The following GRB2 variants were observed in gnomAD, a reference collection of about 807,000 sequenced individuals.
GRB2 encodes growth factor receptor-bound protein 2.
In GRB2, 2 loss-of-function variants were observed where a neutral mutation model predicts 27.4. That is an observed-to-expected ratio of 0.07 (90% CI 0.03 to 0.23). The LOEUF (loss-of-function observed/expected upper bound fraction) is 0.23, where lower values mean the gene tolerates loss of function less well. GRB2 is among the 10% of genes least tolerant of loss of function. The pLI is 1.00. For synonymous variants in GRB2, 94 were observed against 99.6 expected (o/e 0.94, Z 0.33); for missense variants, 102 against 282.4 (o/e 0.36, Z 4.58).
chr17:75,331,155 T>C (rs1336072765), intron 3 of GRB2, among the ~76,000 whole-genome samples: 1 of 152,192 alleles, frequency 6.6e-6, no homozygotes, highest in Non-Finnish European at 1.5e-5. Flanking sequence ...GCCAAACACC[T>C]ACATAGGCAC....
intron 4 of GRB2, among the ~76,000 whole-genome samples, chr17:75,322,580 AT>A (rs1225564856): frequency 6.6e-6 from 1 of 152,128 alleles, no homozygotes; most frequent in Non-Finnish European, 1.5e-5. Flanking sequence ...CCATTCAGGA[AT>A]TTTAGCTCCA....
chr17:75,327,376 G>A (rs1363692269), intron 3 of GRB2, among the ~76,000 whole-genome samples: 18 of 146,734 alleles, frequency 1.2e-4, no homozygotes, highest in Admixed American at 1.2e-3. Context: ...ACTACGCCCG[G>A]CCCTTTTTTT....
chr17:75,369,091 T>C (rs1051479929), intron 2 of GRB2, among the ~76,000 whole-genome samples: 4 of 152,218 alleles, frequency 2.6e-5, no homozygotes, highest in African/African-American at 4.8e-5. Flanking sequence ...CAGCCAAAGT[T>C]TGAACCCAGA....
In GRB2 at chr17:75,366,035, A is replaced by C. The variant is rs183410875; in HGVS notation, c.78+27516T>G. On this transcript the variant is annotated intron_variant, in intron 2 of 5. Coordinates refer to ENST00000316804, the MANE Select transcript of GRB2 (RefSeq NM_002086.5). ...ACATAACAAGGATGTTTACCTAAGC[A>C]TTATTTTAATAGCGGGAGGCAGAAA... Among the ~76,000 whole-genome samples, 6 of 152,278 alleles carry C rather than the reference A, an allele frequency of 3.9e-5. No homozygotes were observed. The East Asian group carries it at 1.2e-3, about 29-fold the overall frequency.
intron 1 of GRB2, 61 bp downstream of exon 1, chr17:75,405,428 C>T (rs1178560228): frequency 2.0e-5 from 3 of 152,352 alleles, no homozygotes; most frequent in African/African-American, 7.2e-5. Flanking sequence ...GGCCCACTCC[C>T]GCTGTAGAGC....
At chr17:75,386,675 C>T (rs72852857) in intron 2 of GRB2, among the ~76,000 whole-genome samples, 7,734 of 152,244 alleles carry the variant, frequency 0.051, 267 homozygotes, top group Middle Eastern at 0.089. Flanking sequence ...GGCAGCTGAA[C>T]AAAGCAAGAC....
chr17:75,328,964 T>TAAAC (rs1343491057), intron 3 of GRB2, among the ~76,000 whole-genome samples: 1 of 151,376 alleles, frequency 6.6e-6, no homozygotes, highest in Non-Finnish European at 1.5e-5. Flanking sequence ...AATAAATAAA[T>TAAAC]AAATAAATAA....
At chr17:75,359,813 C>A (rs1436750211) in intron 2 of GRB2, among the ~76,000 whole-genome samples, 4 of 152,094 alleles carry the variant, frequency 2.6e-5, no homozygotes, top group Admixed American at 2.0e-4. Flanking sequence ...ACCATGTATA[C>A]CTGTCTCAAT....
chr17:75,389,534 T>C (rs1812609010), intron 2 of GRB2, among the ~76,000 whole-genome samples: 1 of 151,938 alleles, frequency 6.6e-6, no homozygotes, highest in East Asian at 1.9e-4. Context: ...TGTAAAAGAG[T>C]AAGTCTAACT....
intron 3 of GRB2, among the ~76,000 whole-genome samples, chr17:75,330,912 T>C (rs1160517636): frequency 6.6e-6 from 1 of 152,160 alleles, no homozygotes; most frequent in Non-Finnish European, 1.5e-5. Flanking sequence ...AACAATCATT[T>C]TGTAGTCTAA....
At chr17:75,351,915 T>C (rs1423629947) in intron 2 of GRB2, among the ~76,000 whole-genome samples, 3 of 152,190 alleles carry the variant, frequency 2.0e-5, no homozygotes, top group Non-Finnish European at 4.4e-5. Context: ...TTATCACGTA[T>C]AGTTACTTCA....
intron 2 of GRB2, among the ~76,000 whole-genome samples, chr17:75,375,272 A>G (rs2078884889): frequency 6.6e-6 from 1 of 152,060 alleles, no homozygotes; most frequent in African/African-American, 2.4e-5. Context: ...CTGATCTTTC[A>G]TGTTCTCAAC....
At chr17:75,324,535 TGGA>T (rs1339676199) in intron 4 of GRB2, among the ~76,000 whole-genome samples, 28 of 86,146 alleles carry the variant, frequency 3.3e-4, no homozygotes, top group Non-Finnish European at 4.9e-4. Flanking sequence ...TTTTTTTTTT[TGGA>T]GACAGAGTTT....
intron 2 of GRB2, among the ~76,000 whole-genome samples, chr17:75,333,662 C>T (rs773056917): frequency 9.9e-5 from 15 of 152,270 alleles, no homozygotes; most frequent in Non-Finnish European, 1.8e-4. Flanking sequence ...CAGAACACTG[C>T]TGCTTGTGAG....
rs1224394398 is a variant in GRB2, at chr17:75,337,871, TTACTACTAC to T, written c.79-5083_79-5075del. On this transcript the variant is annotated intron_variant, in intron 2 of 5. Coordinates refer to ENST00000316804, the MANE Select transcript of GRB2 (RefSeq NM_002086.5). ...GTGAGCCACTGCGCCCGGCCTACTA[TTACTACTAC>T]TACTACTACTACTACTACTACTATT... 5.9e-4 allele frequency among the ~76,000 whole-genome samples: 69 copies of T among 117,626 alleles called. 1 individual carries two copies. The highest frequency in any genetic ancestry group is 3.2e-3 in the South Asian group (11 of 3,412). The allele number at this position is 117,626 out of a possible 152,430, so 77.2% of individuals were successfully genotyped here.
At chr17:75,366,338 A>G (rs1325784078) in intron 2 of GRB2, among the ~76,000 whole-genome samples, 2 of 152,162 alleles carry the variant, frequency 1.3e-5, no homozygotes, top group African/African-American at 4.8e-5. Context: ...ACACAATGGG[A>G]AAATGTTTAT....
At chr17:75,355,479 G>A (rs915433049) in intron 2 of GRB2, among the ~76,000 whole-genome samples, 1 of 151,764 alleles carries the variant, frequency 6.6e-6, no homozygotes, top group Non-Finnish European at 1.5e-5. Context: ...GAATTTTACA[G>A]TGAATACATT....
chr17:75,364,617 C>T (rs960410394), intron 2 of GRB2, among the ~76,000 whole-genome samples: 2 of 151,944 alleles, frequency 1.3e-5, no homozygotes, highest in African/African-American at 4.8e-5. Flanking sequence ...CTTTAATGGA[C>T]CCCCAAAGAT....
chr17:75,385,075 A>ACAAAC (rs1301181933), intron 2 of GRB2, among the ~76,000 whole-genome samples: 2 of 71,616 alleles, frequency 2.8e-5, no homozygotes, highest in Non-Finnish European at 4.8e-5. Context: ...AAACAAACAA[A>ACAAAC]CAAAAAAACC....
Sources: allele counts gnomAD v4.1 joint callset (sites outside exome capture counted in the v4.1 genomes callset), GRCh38; gene constraint gnomAD v4.1.1; transcripts MANE v1.5; gene names NCBI Gene and HGNC (gene_info 2026-07-23, HGNC 2026-07-21).